The following GCC2 variants were observed in gnomAD, a reference collection of about 807,000 sequenced individuals.
The protein encoded by GCC2 is GRIP and coiled-coil domain containing 2.
In GCC2, 120 loss-of-function variants were observed where a neutral mutation model predicts 210.6. That is an observed-to-expected ratio of 0.57 (90% CI 0.49 to 0.66). The LOEUF is 0.66. Among genes scored for constraint, GCC2 ranks in the 30% least tolerant of loss-of-function variants. The pLI is 0.00. For missense variants in GCC2, 1,868 were observed against 1,871.9 expected (o/e 1.00, Z 0.04); for synonymous variants, 703 against 652.7 (o/e 1.08, Z -1.17).
Position 108,464,930 on chromosome 2 carries a change from C to T in GCC2, c.217-4050C>T, listed in dbSNP as rs10207673. Among the ~76,000 whole-genome samples, 669 of 152,268 alleles carry T rather than the reference C, an allele frequency of 4.4e-3. 6 individuals are homozygous for T. The highest frequency in any genetic ancestry group is 0.014 in the African/African-American group (602 of 41,550). On this transcript the variant is annotated intron_variant, in intron 4 of 22. Transcript: ENST00000309863. ...GCAGAAGGCAAAGGGGAAGCAGGCA[C>T]GTCACATGGCGAAAGCAGGAGCAAG...
intron 15 of GCC2, 83 bp downstream of exon 15, chr2:108,485,991 T>A: frequency 3.2e-6 from 2 of 632,904 alleles, no homozygotes; most frequent in Non-Finnish European, 5.5e-6. Flanking sequence ...TTGATTATCC[T>A]ATAACGATAT....
chr2:108,491,841 A>T (rs1682417862), intron 18 of GCC2, among the ~76,000 whole-genome samples: 1 of 152,000 alleles, frequency 6.6e-6, no homozygotes, highest in Non-Finnish European at 1.5e-5. Context: ...AAACCATTAA[A>T]AGTGATGGTT....
chr2:108,459,119 A>G (rs1246713978), intron 4 of GCC2, among the ~76,000 whole-genome samples: 1 of 152,156 alleles, frequency 6.6e-6, no homozygotes, highest in African/African-American at 2.4e-5. Flanking sequence ...AAAAAATCAC[A>G]TAGGTTTTGT....
chr2:108,484,747 T>G (rs1682041981), intron 13 of GCC2: 1 of 152,718 alleles, frequency 6.5e-6, no homozygotes, highest in Admixed American at 6.5e-5. Flanking sequence ...GCGGCGTTAT[T>G]TCTGAGGGCT....
At chr2:108,457,983 G>A (rs1383379454) in intron 4 of GCC2, among the ~76,000 whole-genome samples, 1 of 152,112 alleles carries the variant, frequency 6.6e-6, no homozygotes, top group Non-Finnish European at 1.5e-5. Context: ...GGTGAAAGTG[G>A]GCATCTTTGT....
At position 108,457,587 on chromosome 2, in the gene GCC2, T is replaced by C. The variant is rs2718723; in HGVS notation, c.216+5121T>C. ...TACATTAGTTTGGATAGTATGATCA[T>C]TTCAACAATATTTTGTGAGCATGAA... On this transcript the variant is annotated intron_variant, in intron 4 of 22. Coordinates refer to ENST00000309863, the MANE Select transcript of GCC2 (RefSeq NM_181453.4). 9.3e-3 allele frequency among the ~76,000 whole-genome samples: 1,417 copies of C among 152,112 alleles called. 23 individuals are homozygous for C. Among genetic ancestry groups the C allele is most frequent in the Middle Eastern group, 0.031 (9 of 294 alleles).
At chr2:108,484,420 G>A in intron 13 of GCC2, 109 bp downstream of exon 13, 1 of 618,866 alleles carries the variant, frequency 1.6e-6, no homozygotes, top group East Asian at 3.0e-5. Flanking sequence ...TCAGTCAGGT[G>A]TTTAACACAG....
At position 108,492,626 on chromosome 2, in the gene GCC2, C is replaced by T. The variant is rs1282793986; in HGVS notation, c.4283C>T (p.Thr1428Ile). The T allele has an allele frequency of 1.2e-6, 2 of 1,613,778 alleles. No homozygotes were observed. Among genetic ancestry groups the T allele is most frequent in the Middle Eastern group, 1.6e-4 (1 of 6,062 alleles). Residue 1428 changes from threonine (T) to isoleucine (I), a missense_variant, in exon 19 of 23, where the codon ACT becomes ATT. This residue lies in a region of GCC2 where 1,847 missense variants were observed against 1,765.2 expected (regional missense o/e 1.05). Coordinates refer to ENST00000309863, the MANE Select transcript of GCC2 (RefSeq NM_181453.4). ...NMMMKSEHTQ[T>I]VSQLTSQNEV... is the part of the protein sequence containing the mutation. ...ATGATGAAATCTGAACATACACAGA[C>T]TGTGAGTCAGCTAACATCCCAGAAC...
intron 18 of GCC2, 90 bp downstream of exon 18, chr2:108,490,104 A>G: frequency 1.1e-6 from 1 of 908,448 alleles, no homozygotes; most frequent in Non-Finnish European, 1.6e-6. Flanking sequence ...AGATAAATGC[A>G]GATTAGAAAA....
At chr2:108,467,300 A>G (rs563484252) in intron 4 of GCC2, among the ~76,000 whole-genome samples, 2 of 152,154 alleles carry the variant, frequency 1.3e-5, no homozygotes, top group East Asian at 1.9e-4. Flanking sequence ...CTTTGTAATT[A>G]TATTTTCTAA....
intron 19 of GCC2, 63 bp downstream of exon 19, chr2:108,492,853 A>G: frequency 8.4e-7 from 1 of 1,190,940 alleles, no homozygotes; most frequent in Non-Finnish European, 1.2e-6. Context: ...TCTTAAATAC[A>G]TTCTTCACAA....
At chr2:108,463,150 A>C (rs1187918795) in intron 4 of GCC2, among the ~76,000 whole-genome samples, 1 of 151,790 alleles carries the variant, frequency 6.6e-6, no homozygotes, top group Non-Finnish European at 1.5e-5. Context: ...TATCTCACTG[A>C]GCTCCTTTAG....
At position 108,485,644 on chromosome 2, in the gene GCC2, C is replaced by G. The variant is rs748029412; in HGVS notation, c.3622C>G (p.Gln1208Glu). 7 of 1,509,434 alleles carry G rather than the reference C, an allele frequency of 4.6e-6. No individual in the cohort carries two copies. In the East Asian group the frequency reaches 1.6e-4, roughly 35 times the overall value. 93.5% of individuals were successfully genotyped at this position (1,509,434 alleles called of 1,614,324 possible). The change falls in exon 14 of 23, where the codon CAG (glutamine) becomes GAG (glutamate). Residue 1208 changes from glutamine to glutamate, a missense_variant. Transcript: ENST00000309863. Reference protein sequence around the residue: ...ETLQEEITSLQSSVQQYEEKN... With the variant: ...ETLQEEITSLESSVQQYEEKN... The stretch of plus-strand genomic sequence containing the variant: ...ATTATTTCTTGTGCTAGCTTCATTA[C>G]AGTCTTCAGTACAACAATATGAAGA...
Position 108,486,599 on chromosome 2 carries a change from C to T in GCC2, c.3881C>T (p.Ala1294Val), listed in dbSNP as rs1345819253. ...SAEQHQRTLS[A>V]YQQRVTALQE... ...GAACAGCACCAGCGTACGCTAAGTG[C>T]ATACCAGCAGAGAGTGACAGCACTA... is the stretch of plus-strand genomic sequence containing the variant. Residue 1294 changes from alanine (A) to valine (V), a missense_variant, in exon 16 of 23, where the codon GCA becomes GTA. Around this residue, in one of 3 missense-constraint regions of GCC2, gnomAD observed 1,847 missense variants for 1,765.2 expected, o/e 1.05. Transcript: ENST00000309863. 6.2e-7 allele frequency: 1 copy of T among 1,614,058 alleles called. No individual in the cohort carries two copies. Among genetic ancestry groups the T allele is most frequent in the Non-Finnish European group, 8.5e-7 (1 of 1,179,902 alleles).
rs781280877 is a variant in GCC2, at chr2:108,470,436, T to C, written c.1107T>C (p.Ala369=). The change falls in exon 6 of 23, where the codon GCT becomes GCC. Residue 369 remains alanine, a synonymous_variant. Coordinates refer to ENST00000309863, the MANE Select transcript of GCC2 (RefSeq NM_181453.4). ...TTAAGTTAAAACTTGAAATGGATGCTCAACATATAAAGGATGAGTTTTTTC... is the reference window on the plus strand; with the variant it reads ...TTAAGTTAAAACTTGAAATGGATGCCCAACATATAAAGGATGAGTTTTTTC... ...NNLKLKLEMD[A]QHIKDEFFHE... is the part of the protein sequence containing the mutation. 8.7e-6 allele frequency: 14 copies of C among 1,606,610 alleles called. No homozygotes were observed. Among genetic ancestry groups the C allele is most frequent in the Non-Finnish European group, 1.1e-5 (13 of 1,173,772 alleles).
At chr2:108,499,989 T>C (rs1344200818) in intron 22 of GCC2, among the ~76,000 whole-genome samples, 2 of 152,234 alleles carry the variant, frequency 1.3e-5, no homozygotes, top group African/African-American at 4.8e-5. Flanking sequence ...TAGCTTGATC[T>C]TCTAGCTCTT....
chr2:108,486,617 C>T lies in GCC2; in HGVS notation c.3899C>T (p.Thr1300Ile). ...RTLSAYQQRV[T>I]ALQEECRAAK... ...CTAAGTGCATACCAGCAGAGAGTGA[C>T]AGCACTACAGGAAGAGTGCCGTGCT... Residue 1300 changes from threonine (T) to isoleucine (I), a missense_variant, in exon 16 of 23, where the codon ACA becomes ATA. Thr to Ile is a moderately conservative substitution (Grantham distance 89). Transcript: ENST00000309863. The T allele has an allele frequency of 1.2e-6, 2 of 1,613,902 alleles. No individual in the cohort carries two copies. Among genetic ancestry groups the T allele is most frequent in the African/African-American group, 1.3e-5 (1 of 75,038 alleles).
At position 108,470,576 on chromosome 2, in the gene GCC2, G is replaced by T. The variant is rs1681143510; in HGVS notation, c.1247G>T (p.Cys416Phe). ...SELAGLNKQF[C>F]YTVEQHNREV... ...CTAGCAGGTTTAAATAAACAGTTTTGCTATACTGTAGAACAGCATAACAGA... is the reference window on the plus strand; with the variant it reads ...CTAGCAGGTTTAAATAAACAGTTTTTCTATACTGTAGAACAGCATAACAGA... The change falls in exon 6 of 23, where the codon TGC becomes TTC. Residue 416 changes from cysteine (C) to phenylalanine (F), a missense_variant. By Grantham distance (205) the Cys-to-Phe change is radical. Transcript: ENST00000309863. 2.5e-6 allele frequency: 4 copies of T among 1,608,988 alleles called. No individual in the cohort carries two copies. The East Asian group carries it at 8.9e-5, about 36-fold the overall frequency.
chr2:108,495,357 T>A lies in GCC2; in HGVS notation c.4514T>A (p.Leu1505Gln). 1 of 1,578,666 alleles carries A rather than the reference T, an allele frequency of 6.3e-7. No individual in the cohort carries two copies. Among genetic ancestry groups the A allele is most frequent in the Non-Finnish European group, 8.6e-7 (1 of 1,164,506 alleles). Residue 1505 changes from leucine to glutamine, a missense_variant, in exon 20 of 23, where the codon CTA becomes CAA. This residue lies in a region of GCC2 where 1,847 missense variants were observed against 1,765.2 expected (regional missense o/e 1.05). Transcript: ENST00000309863. ...RERRNTDLPL[L>Q]DMHTVTREEG... is the part of the protein sequence containing the mutation. ...AGGAGAAACACAGACCTCCCGCTTC[T>A]AGACATGCACACTGTAACCCGGGAA...
Sources: gnomAD v4.1 joint callset for allele counts (sites outside exome capture counted in the v4.1 genomes callset) on GRCh38, gnomAD v4.1.1 for gene constraint, gnomAD v4.1.1 regional missense constraint, MANE v1.5 for transcripts, NCBI Gene and HGNC (gene_info 2026-07-23, HGNC 2026-07-21) for gene names.